HECTD4: variants seen among roughly 807,000 people sequenced by gnomAD.
HECTD4 encodes the protein probable E3 ubiquitin-protein ligase HECTD4.
A neutral mutation model predicts 471.5 loss-of-function variants in HECTD4; 114 were observed. The observed-to-expected ratio is 0.24, with a 90% CI of 0.21 to 0.28. The LOEUF (loss-of-function observed/expected upper bound fraction) is 0.28, where lower values mean the gene tolerates loss of function less well. Among genes scored for constraint, HECTD4 ranks in the 10% least tolerant of loss-of-function variants. The pLI is 1.00. For synonymous variants in HECTD4, 2,012 were observed against 2,256.0 expected (o/e 0.89, Z 3.07); for missense variants, 3,866 against 5,651.5 (o/e 0.68, Z 10.13).
chr12:112,309,062 T>C (rs2135685601), intron 5 of HECTD4, among the ~76,000 whole-genome samples, 171 bp from the exon 6 acceptor site: 1 of 152,308 alleles, frequency 6.6e-6, no homozygotes, highest in Middle Eastern at 3.4e-3. Flanking sequence ...TGCCAAACTA[T>C]AGCAAATATT....
intron 34 of HECTD4, among the ~76,000 whole-genome samples, chr12:112,237,668 C>T (rs1422752739): frequency 2.0e-5 from 3 of 152,136 alleles, no homozygotes; most frequent in African/African-American, 7.2e-5. Flanking sequence ...TCTGGGACCT[C>T]TACACTCCCA....
intron 29 of HECTD4, among the ~76,000 whole-genome samples, chr12:112,244,507 T>C (rs918385341): frequency 1.3e-5 from 2 of 152,178 alleles, no homozygotes; most frequent in African/African-American, 4.8e-5. Flanking sequence ...TAGCTGCGAT[T>C]ACAGGCGTGC....
At chr12:112,177,441 G>A (rs1372740764) in intron 64 of HECTD4, among the ~76,000 whole-genome samples, 2 of 149,060 alleles carry the variant, frequency 1.3e-5, no homozygotes, top group South Asian at 4.2e-4. Context: ...GTGCAGTGGC[G>A]TGACCTCGGC....
chr12:112,182,275 G>A (rs988154517), intron 62 of HECTD4, among the ~76,000 whole-genome samples: 7 of 150,850 alleles, frequency 4.6e-5, no homozygotes, highest in African/African-American at 1.5e-4. Context: ...AGACCAGCCC[G>A]GGCAACATAG....
intron 23 of HECTD4, 108 bp downstream of exon 23, chr12:112,252,316 A>G: frequency 1.8e-6 from 2 of 1,125,404 alleles, no homozygotes; most frequent in Non-Finnish European, 2.4e-6. Context: ...GAGAAAGATG[A>G]AAGAGTGACT....
intron 1 of HECTD4, among the ~76,000 whole-genome samples, chr12:112,356,195 C>T (rs1241779750): frequency 7.2e-5 from 11 of 151,896 alleles, no homozygotes; most frequent in African/African-American, 2.7e-4. Context: ...AACTACAATT[C>T]GATTTGATTA....
chr12:112,366,606 GAAA>G (rs1413702460), intron 1 of HECTD4, among the ~76,000 whole-genome samples: 9 of 150,776 alleles, frequency 6.0e-5, no homozygotes, highest in African/African-American at 2.0e-4. Flanking sequence ...AAAAGAAGAA[GAAA>G]AAAAAGAGCG....
At chr12:112,323,979 T>TCTCTCTCTCTCTCTC (rs2035658270) in intron 1 of HECTD4, among the ~76,000 whole-genome samples, 1 of 20,724 alleles carries the variant, frequency 4.8e-5, no homozygotes, top group African/African-American at 4.3e-4. Flanking sequence ...CCTTCCTTCC[T>TCTCTCTCTCTCTCTC]TCCTTCCTTC....
intron 45 of HECTD4, 35 bp from the exon 46 acceptor site, chr12:112,217,230 C>G (rs1216151237): frequency 1.4e-6 from 2 of 1,467,140 alleles, no homozygotes; most frequent in Admixed American, 2.5e-5. Context: ...TTCAGTAGAA[C>G]TGCAAACACA....
At chr12:112,380,030 A>G (rs1443569982) in intron 1 of HECTD4, among the ~76,000 whole-genome samples, 2 of 152,184 alleles carry the variant, frequency 1.3e-5, no homozygotes, top group Non-Finnish European at 2.9e-5. Flanking sequence ...TAAACATTTT[A>G]GGAAAACCAA....
chr12:112,246,458 A>C (rs1195152170), intron 29 of HECTD4, among the ~76,000 whole-genome samples: 1 of 151,944 alleles, frequency 6.6e-6, no homozygotes, highest in Non-Finnish European at 1.5e-5. Context: ...ACATAGTGAA[A>C]CCCCGTCTCT....
intron 44 of HECTD4, among the ~76,000 whole-genome samples, chr12:112,221,099 G>A (rs542241677): frequency 6.6e-6 from 1 of 151,714 alleles, no homozygotes; most frequent in African/African-American, 2.4e-5. Flanking sequence ...CCACAGGCGT[G>A]AGCCACCACA....
chr12:112,212,182 A>G (rs1566074062), intron 49 of HECTD4, among the ~76,000 whole-genome samples: 2 of 152,234 alleles, frequency 1.3e-5, no homozygotes, highest in South Asian at 4.1e-4. Context: ...ACTTAATCAC[A>G]TAATCATTTT....
intron 72 of HECTD4, among the ~76,000 whole-genome samples, chr12:112,165,552 T>C (rs556912418): frequency 6.5e-4 from 99 of 151,744 alleles, no homozygotes; most frequent in African/African-American, 1.8e-3. Context: ...GGGGTTTCAC[T>C]GTGTTAGCCA....
intron 1 of HECTD4, among the ~76,000 whole-genome samples, chr12:112,329,372 T>G (rs1250709940): frequency 5.1e-5 from 3 of 59,168 alleles, no homozygotes; most frequent in Admixed American, 1.8e-4. Flanking sequence ...GGTTTTTTGT[T>G]TTTTTTTTTT....
chr12:112,264,097 G>T lies in HECTD4; in HGVS notation c.2735C>A (p.Thr912Lys), dbSNP rs1374920151. 2 of 1,609,728 alleles carry T rather than the reference G, an allele frequency of 1.2e-6. No individual in the cohort carries two copies. The highest frequency in any genetic ancestry group is 1.7e-6 in the Non-Finnish European group (2 of 1,178,008). Residue 912 changes from threonine (T) to lysine (K), a missense_variant, in exon 17 of 76, where the codon ACA (threonine) becomes AAA (lysine). Around this residue, in one of 16 missense-constraint regions of HECTD4, gnomAD observed 525 missense variants for 672.6 expected, o/e 0.78. Transcript: ENST00000682272. ...CTTGGTGTTTACCTGTACCTTCAAT[G>T]TCTCTCCCTGCAAGGAGCTGTCACT... ...DDSDSSLQGE[T>K]LKVQELKVSI...
intron 1 of HECTD4, among the ~76,000 whole-genome samples, chr12:112,337,714 T>G (rs2035984145): frequency 6.6e-6 from 1 of 152,228 alleles, no homozygotes; most frequent in African/African-American, 2.4e-5. Context: ...TACTATAGTA[T>G]TCAACACTAC....
intron 29 of HECTD4, among the ~76,000 whole-genome samples, chr12:112,244,339 C>T (rs1023037709): frequency 6.6e-6 from 1 of 151,886 alleles, no homozygotes; most frequent in Non-Finnish European, 1.5e-5. Flanking sequence ...AAAGTATTGC[C>T]GAAAATCACA....
At chr12:112,348,485 C>T (rs891796592) in intron 1 of HECTD4, among the ~76,000 whole-genome samples, 1 of 151,996 alleles carries the variant, frequency 6.6e-6, no homozygotes, top group Non-Finnish European at 1.5e-5. Context: ...AAAATGTGGG[C>T]CGGGAGATCA....
Sources: allele counts gnomAD v4.1 joint callset (sites outside exome capture counted in the v4.1 genomes callset), GRCh38; gene constraint gnomAD v4.1.1; regional missense constraint gnomAD v4.1.1; transcripts MANE v1.5; gene names NCBI Gene and HGNC (gene_info 2026-07-23, HGNC 2026-07-21).